Variants in ARHGEF38 observed in about 807,000 individuals in gnomAD.
The protein encoded by ARHGEF38 is Rho guanine nucleotide exchange factor 38, also known as Rho guanine nucleotide exchange factor (GEF) 38.
A neutral mutation model predicts 79.9 loss-of-function variants in ARHGEF38; 79 were observed. That is an observed-to-expected ratio of 0.99 (90% CI 0.82 to 1.19). ARHGEF38 has a LOEUF of 1.19. Ranked by LOEUF, ARHGEF38 falls within the 50% of genes most tolerant of loss-of-function variation. The probability of loss-of-function intolerance (pLI) is 0.00; values close to 1 mark genes in which losing one functional copy is unlikely to be tolerated. For synonymous variants in ARHGEF38, 366 were observed against 328.3 expected (o/e 1.11, Z -1.24); for missense variants, 962 against 907.2 (o/e 1.06, Z -0.78).
chr4:105,621,728 A>G (rs1053741348), intron 3 of ARHGEF38, among the ~76,000 whole-genome samples: 2 of 152,134 alleles, frequency 1.3e-5, no homozygotes, highest in Admixed American at 1.3e-4. Context: ...ATTTTTCAGG[A>G]TTATTATTGT....
intron 13 of ARHGEF38, 145 bp downstream of exon 13, chr4:105,667,848 TTG>T (rs1326792659): frequency 1.1e-6 from 1 of 947,966 alleles, no homozygotes; most frequent in Non-Finnish European, 1.5e-6. Flanking sequence ...GTGGATCTTT[TTG>T]TAAGGAGTTT....
At chr4:105,632,081 A>T (rs1302522543) in intron 4 of ARHGEF38, among the ~76,000 whole-genome samples, 1 of 152,208 alleles carries the variant, frequency 6.6e-6, no homozygotes, top group African/African-American at 2.4e-5. Flanking sequence ...TTTTAGCTGC[A>T]CTAAATTGAA....
chr4:105,562,283 G>C (rs1213789836), intron 1 of ARHGEF38, among the ~76,000 whole-genome samples: 2 of 152,054 alleles, frequency 1.3e-5, no homozygotes, highest in African/African-American at 4.8e-5. Flanking sequence ...GGCTTTTGCT[G>C]TCATTTGAAT....
chr4:105,584,704 T>TA (rs1726950280), intron 1 of ARHGEF38, among the ~76,000 whole-genome samples: 1 of 152,192 alleles, frequency 6.6e-6, no homozygotes, highest in Non-Finnish European at 1.5e-5. Flanking sequence ...AGATAGATAT[T>TA]ACAATTACAT....
chr4:105,648,615 A>G lies in ARHGEF38; in HGVS notation c.941A>G (p.His314Arg). The G allele has an allele frequency of 6.5e-7, 1 of 1,533,362 alleles. No homozygotes were observed. The highest frequency in any genetic ancestry group is 8.7e-7 in the Non-Finnish European group (1 of 1,145,728). The allele number at this position is 1,533,362 out of a possible 1,614,324, so 95.0% of individuals were successfully genotyped here. Residue 314 changes from histidine to arginine, a missense_variant, in exon 7 of 14, where the codon CAT (histidine) becomes CGT (arginine). Transcript: ENST00000420470. ...LKDKLSKLNIHSISKKSKRVT... is the reference protein window; with the variant it reads ...LKDKLSKLNIRSISKKSKRVT... ...GACAAATTGTCTAAACTAAATATTC[A>G]TTCAATTAGCAAGAAATCAAAAAGA...
intron 1 of ARHGEF38, among the ~76,000 whole-genome samples, chr4:105,553,823 A>T (rs1284560689): frequency 6.6e-6 from 1 of 152,168 alleles, no homozygotes; most frequent in African/African-American, 2.4e-5. Context: ...TCCTGCTTTT[A>T]GCACAAGGTG....
intron 6 of ARHGEF38, among the ~76,000 whole-genome samples, chr4:105,645,750 C>T (rs977368134): frequency 6.6e-6 from 1 of 152,126 alleles, no homozygotes; most frequent in African/African-American, 2.4e-5. Context: ...CAGTGGGAAG[C>T]AAATGCAGAA....
rs866805422 is a variant in ARHGEF38, at chr4:105,642,702, A to G, written c.675-2486A>G. Among the ~76,000 whole-genome samples, 7 of 152,318 alleles carry G rather than the reference A, an allele frequency of 4.6e-5. 1 individual carries two copies. In the South Asian group the frequency reaches 1.2e-3, roughly 27 times the overall value. On this transcript the variant is annotated intron_variant, in intron 5 of 13. Transcript: ENST00000420470. ...CCAGGATGATGGGAGGGGAATTCCT[A>G]CAAGACGGCTGCACATCTGGGTTTT... is the stretch of plus-strand genomic sequence containing the variant.
intron 13 of ARHGEF38, among the ~76,000 whole-genome samples, chr4:105,668,099 G>A (rs761797681): frequency 2.6e-5 from 4 of 151,966 alleles, no homozygotes; most frequent in Non-Finnish European, 5.9e-5. Flanking sequence ...TCCTCTAAGA[G>A]CATAATCTTC....
In ARHGEF38 at chr4:105,659,170, C is replaced by T; in HGVS notation, c.1350C>T (p.Tyr450=). 6.5e-7 allele frequency: 1 copy of T among 1,536,158 alleles called. No individual in the cohort carries two copies. Among genetic ancestry groups the T allele is most frequent in the Non-Finnish European group, 8.7e-7 (1 of 1,146,878 alleles). ...RYDKLLDCNS[Y]LQRSTGEESD... ...ACAAACTGCTGGATTGCAACAGCTA[C>T]CTGCAGCGATCAACGGGAGAGGAGT... The change falls in exon 10 of 14, where the codon TAC becomes TAT. Residue 450 remains tyrosine (Y), a synonymous_variant. Transcript: ENST00000420470.
intron 3 of ARHGEF38, among the ~76,000 whole-genome samples, chr4:105,617,106 T>A (rs1397932753): frequency 6.6e-6 from 1 of 152,236 alleles, no homozygotes; most frequent in Non-Finnish European, 1.5e-5. Flanking sequence ...ATAGTTTCAA[T>A]AGCAGTTAAA....
chr4:105,630,276 C>T (rs1167488288), intron 3 of ARHGEF38, among the ~76,000 whole-genome samples: 2 of 146,064 alleles, frequency 1.4e-5, no homozygotes, highest in African/African-American at 2.6e-5. Context: ...GAGATAGAGT[C>T]TTGCTCTGTC....
At chr4:105,556,909 T>G (rs892485855) in intron 1 of ARHGEF38, among the ~76,000 whole-genome samples, 1 of 152,176 alleles carries the variant, frequency 6.6e-6, no homozygotes, top group Admixed American at 6.6e-5. Flanking sequence ...AGAATTTATA[T>G]AATAAGTAAT....
intron 13 of ARHGEF38, 22 bp downstream of exon 13, chr4:105,667,725 A>G: frequency 6.5e-7 from 1 of 1,535,738 alleles, no homozygotes; most frequent in South Asian, 1.2e-5. Flanking sequence ...ATGTAAAAAT[A>G]TGTGGTTGTT....
intron 13 of ARHGEF38, 23 bp downstream of exon 13, chr4:105,667,726 T>C (rs1010606879): frequency 7.8e-6 from 12 of 1,535,546 alleles, no homozygotes; most frequent in Admixed American, 5.9e-5. Context: ...TGTAAAAATA[T>C]GTGGTTGTTC....
intron 1 of ARHGEF38, among the ~76,000 whole-genome samples, chr4:105,565,043 G>A (rs952963303): frequency 4.6e-5 from 7 of 152,188 alleles, no homozygotes; most frequent in African/African-American, 1.7e-4. Context: ...ATCACTGTCG[G>A]AGCCTGTAAA....
rs1730468162 is a variant in ARHGEF38 at position 105,659,314 on chromosome 4, C to A, written c.1494C>A (p.Leu498=). ...LLNCLCSFIT[L]LRDLMLVAQQ... is the part of the protein sequence containing the mutation. The stretch of plus-strand genomic sequence containing the variant: ...ACTGTCTATGCAGCTTCATTACCCT[C>A]CTTAGGGACCTGATGCTCGTGGCAC... The change falls in exon 10 of 14, where the codon CTC becomes CTA. Residue 498 remains leucine (L), a synonymous_variant. Transcript: ENST00000420470. 6.5e-7 allele frequency: 1 copy of A among 1,535,812 alleles called. No homozygotes were observed. The highest frequency in any genetic ancestry group is 1.4e-5 in the African/African-American group (1 of 73,036).
chr4:105,606,743 ATGT>A (rs1008139121), intron 2 of ARHGEF38, among the ~76,000 whole-genome samples: 1 of 152,100 alleles, frequency 6.6e-6, no homozygotes, highest in African/African-American at 2.4e-5. Flanking sequence ...TGTTCATGTT[ATGT>A]TGTTAAGGCA....
At chr4:105,671,828 T>C (rs1439920058) in intron 13 of ARHGEF38, among the ~76,000 whole-genome samples, 4 of 152,236 alleles carry the variant, frequency 2.6e-5, no homozygotes, top group African/African-American at 4.8e-5. Flanking sequence ...AAACTTGTAC[T>C]GGCTTAATTG....
Sources: allele counts gnomAD v4.1 joint callset (sites outside exome capture counted in the v4.1 genomes callset), GRCh38; gene constraint gnomAD v4.1.1; transcripts MANE v1.5; gene names NCBI Gene and HGNC (gene_info 2026-07-23, HGNC 2026-07-21).